TSHZ2: variants seen among roughly 807,000 people sequenced by gnomAD.
TSHZ2 encodes the protein teashirt zinc finger homeobox 2.
A neutral mutation model predicts 74.4 loss-of-function variants in TSHZ2; 21 were observed. The ratio of observed to expected loss-of-function variants is 0.28; its 90% CI spans 0.20 to 0.41. The LOEUF is 0.41. Among genes scored for constraint, TSHZ2 ranks in the 10% least tolerant of loss-of-function variants. The probability of loss-of-function intolerance (pLI) is 1.00; values close to 1 mark genes in which losing one functional copy is unlikely to be tolerated. For synonymous variants in TSHZ2, 540 were observed against 515.3 expected, an observed-to-expected ratio of 1.05 and a Z score of -0.65; for missense variants, 1,244 against 1,293.5, an observed-to-expected ratio of 0.96 and a Z score of 0.59.
intron 2 of TSHZ2, among the ~76,000 whole-genome samples, chr20:53,484,530 G>A (rs1265767344): frequency 6.6e-6 from 1 of 151,812 alleles, no homozygotes; most frequent in Non-Finnish European, 1.5e-5. Flanking sequence ...GAATTTCAGA[G>A]GTGCACCACC....
chr20:53,095,239 C>T (rs963580851), intron 1 of TSHZ2, among the ~76,000 whole-genome samples: 3 of 152,222 alleles, frequency 2.0e-5, no homozygotes, highest in African/African-American at 7.2e-5. Context: ...TCTCTCTCCT[C>T]GTGGTAACCA....
At chr20:53,463,401 AGG>A (rs1985447802) in intron 2 of TSHZ2, among the ~76,000 whole-genome samples, 3 of 109,836 alleles carry the variant, frequency 2.7e-5, no homozygotes, top group Admixed American at 9.2e-5. Context: ...GAAGGAAGGA[AGG>A]AAGGAAGGAA....
chr20:53,033,130 G>A (rs904500069), intron 1 of TSHZ2, among the ~76,000 whole-genome samples: 1 of 152,204 alleles, frequency 6.6e-6, no homozygotes, highest in Non-Finnish European at 1.5e-5. Context: ...GCTATGATTT[G>A]AATTCACAGC....
intron 2 of TSHZ2, among the ~76,000 whole-genome samples, chr20:53,291,959 A>G (rs751239347): frequency 2.6e-5 from 4 of 151,836 alleles, no homozygotes; most frequent in Admixed American, 1.3e-4. Context: ...GGGAAAAAAT[A>G]TAGATATCAC....
At chr20:53,120,586 G>A (rs1228148279) in intron 1 of TSHZ2, among the ~76,000 whole-genome samples, 1 of 152,128 alleles carries the variant, frequency 6.6e-6, no homozygotes, top group East Asian at 1.9e-4. Context: ...ATCATTTTCT[G>A]TGTATGAGCC....
chr20:53,400,964 A>G (rs1301956954), intron 2 of TSHZ2, among the ~76,000 whole-genome samples: 2 of 152,190 alleles, frequency 1.3e-5, no homozygotes, highest in Non-Finnish European at 2.9e-5. Flanking sequence ...TGTCCTAAGC[A>G]TTATGTTAAG....
At chr20:53,048,512 T>C (rs1437050193) in intron 1 of TSHZ2, among the ~76,000 whole-genome samples, 1 of 152,150 alleles carries the variant, frequency 6.6e-6, no homozygotes, top group Non-Finnish European at 1.5e-5. Flanking sequence ...ATCAGAGCCA[T>C]TACCCTCCTC....
chr20:53,242,870 AC>A (rs1352707202), intron 1 of TSHZ2, among the ~76,000 whole-genome samples: 1 of 152,230 alleles, frequency 6.6e-6, no homozygotes, highest in African/African-American at 2.4e-5. Flanking sequence ...AAACACTTGA[AC>A]AAGGTGGGCT....
intron 1 of TSHZ2, among the ~76,000 whole-genome samples, chr20:53,240,714 A>AGAT (rs1362294245): frequency 1.5e-5 from 2 of 134,746 alleles, no homozygotes; most frequent in Admixed American, 8.0e-5. Flanking sequence ...TAAAATAGAT[A>AGAT]GATAGATGAT....
chr20:53,240,988 C>T (rs913215796), intron 1 of TSHZ2, among the ~76,000 whole-genome samples: 2 of 152,136 alleles, frequency 1.3e-5, no homozygotes, highest in African/African-American at 2.4e-5. Context: ...CCAGATAGTG[C>T]TGTCTTCCCC....
intron 1 of TSHZ2, among the ~76,000 whole-genome samples, chr20:53,001,989 C>G (rs1982459123): frequency 2.0e-5 from 3 of 152,172 alleles, no homozygotes; most frequent in Non-Finnish European, 4.4e-5. Context: ...AAGTTGTCAA[C>G]ACTCACCAGG....
At chr20:53,349,790 T>G (rs1980578768) in intron 2 of TSHZ2, among the ~76,000 whole-genome samples, 1 of 152,220 alleles carries the variant, frequency 6.6e-6, no homozygotes, top group Admixed American at 6.5e-5. Flanking sequence ...TCTTATATTC[T>G]TATTACTGTT....
chr20:53,033,848 CA>C (rs1179277603), intron 1 of TSHZ2, among the ~76,000 whole-genome samples: 24 of 151,496 alleles, frequency 1.6e-4, no homozygotes, highest in Non-Finnish European at 2.7e-4. Context: ...TTGGTGGAGA[CA>C]GGATTTCACC....
At chr20:53,470,552 A>G (rs1458495651) in intron 2 of TSHZ2, among the ~76,000 whole-genome samples, 2 of 152,164 alleles carry the variant, frequency 1.3e-5, no homozygotes, top group African/African-American at 4.8e-5. Flanking sequence ...GCGGTGGCTC[A>G]TGCCTGTAAT....
intron 1 of TSHZ2, among the ~76,000 whole-genome samples, chr20:53,072,854 G>A (rs1985218220): frequency 6.6e-6 from 1 of 152,094 alleles, no homozygotes; most frequent in Non-Finnish European, 1.5e-5. Flanking sequence ...AAACAATAAA[G>A]GCATATACTT....
chr20:53,304,725 G>A (rs898306368), intron 2 of TSHZ2, among the ~76,000 whole-genome samples: 26 of 152,010 alleles, frequency 1.7e-4, no homozygotes, highest in Admixed American at 4.6e-4. Context: ...TCTGCCTCCC[G>A]GGTTCAAGTG....
At position 53,190,579 on chromosome 20, in the gene TSHZ2, T is replaced by G. The variant is rs181284275; in HGVS notation, c.41-62920T>G. 3.9e-3 allele frequency among the ~76,000 whole-genome samples: 587 copies of G among 152,294 alleles called. 1 individual carries two copies. The highest frequency in any genetic ancestry group is 6.8e-3 in the Middle Eastern group (2 of 294). Reference sequence around the variant, plus strand: ...TTAAAAATAAAAGATGTGCTGTATTTCCAGCACTATTCAGTATTCATGAGG... The same window carrying G: ...TTAAAAATAAAAGATGTGCTGTATTGCCAGCACTATTCAGTATTCATGAGG... On this transcript the variant is annotated intron_variant, in intron 1 of 2. Transcript: ENST00000371497.
chr20:53,193,445 C>A (rs1001518006), intron 1 of TSHZ2, among the ~76,000 whole-genome samples: 3 of 151,920 alleles, frequency 2.0e-5, no homozygotes, highest in Non-Finnish European at 2.9e-5. Flanking sequence ...ACTGCCTTTG[C>A]CCCCCAACAC....
intron 1 of TSHZ2, among the ~76,000 whole-genome samples, chr20:53,231,528 T>C (rs1249074740): frequency 6.6e-6 from 1 of 151,850 alleles, no homozygotes; most frequent in Admixed American, 6.6e-5. Flanking sequence ...TCCAGGAGAG[T>C]TGCTGGAGGG....
Sources: allele counts gnomAD v4.1 joint callset (sites outside exome capture counted in the v4.1 genomes callset), GRCh38; gene constraint gnomAD v4.1.1; transcripts MANE v1.5; gene names NCBI Gene and HGNC (gene_info 2026-07-23, HGNC 2026-07-21).